Variants in HMCN1 observed in about 807,000 individuals in gnomAD.
The protein encoded by HMCN1 is hemicentin 1.
In HMCN1, 321 loss-of-function variants were observed where a neutral mutation model predicts 625.9. The ratio of observed to expected loss-of-function variants is 0.51; its 90% CI spans 0.47 to 0.56. The LOEUF (loss-of-function observed/expected upper bound fraction) is 0.56, where lower values mean the gene tolerates loss of function less well. Among genes scored for constraint, HMCN1 ranks in the 20% least tolerant of loss-of-function variants. The pLI is 0.00. For missense variants in HMCN1, 6,588 were observed against 6,887.3 expected, an observed-to-expected ratio of 0.96 and a Z score of 1.54; for synonymous variants, 2,425 against 2,417.6, an observed-to-expected ratio of 1.00 and a Z score of -0.09.
At chr1:185,737,796 T>G (rs917692972) in intron 1 of HMCN1, among the ~76,000 whole-genome samples, 2 of 152,240 alleles carry the variant, frequency 1.3e-5, no homozygotes, top group Non-Finnish European at 2.9e-5. Flanking sequence ...TCTATGTCTT[T>G]TGATATAAAC....
At chr1:186,087,882 G>C in intron 60 of HMCN1, 50 bp from the exon 61 acceptor site, 1 of 1,480,750 alleles carries the variant, frequency 6.8e-7, no homozygotes, top group Admixed American at 1.7e-5. Context: ...CAGTATGATT[G>C]GTCATCTATA....
intron 1 of HMCN1, among the ~76,000 whole-genome samples, chr1:185,749,420 G>A (rs1222154107): frequency 1.3e-5 from 2 of 152,112 alleles, no homozygotes; most frequent in South Asian, 2.1e-4. Flanking sequence ...CAATACAGAA[G>A]TGGAACAAGG....
intron 57 of HMCN1, among the ~76,000 whole-genome samples, chr1:186,085,326 G>A (rs1659405534): frequency 6.6e-6 from 1 of 152,102 alleles, no homozygotes; most frequent in Admixed American, 6.6e-5. Flanking sequence ...CAAGATCAAG[G>A]TGCTGGCAGG....
At chr1:185,905,835 C>T (rs1018415311) in intron 4 of HMCN1, among the ~76,000 whole-genome samples, 5 of 151,866 alleles carry the variant, frequency 3.3e-5, no homozygotes, top group South Asian at 2.1e-4. Flanking sequence ...TTTAAAGGTA[C>T]GAGAACTCTC....
chr1:185,900,742 C>G (rs1665759201), intron 4 of HMCN1, among the ~76,000 whole-genome samples: 1 of 151,796 alleles, frequency 6.6e-6, no homozygotes, highest in Non-Finnish European at 1.5e-5. Context: ...TATTAGGAGG[C>G]TATTTGGAAA....
At position 186,046,295 on chromosome 1, in the gene HMCN1, C is replaced by G. The variant is rs368519825; in HGVS notation, c.6480+432C>G. Reference sequence around the variant, plus strand: ...ACCAGCCCAGCCAACATGGTGAAACCCTGTCTCTACTAAAAACACAAAAAT... The same window carrying G: ...ACCAGCCCAGCCAACATGGTGAAACGCTGTCTCTACTAAAAACACAAAAAT... On this transcript the variant is annotated intron_variant, in intron 41 of 106. Coordinates refer to ENST00000271588, the MANE Select transcript of HMCN1 (RefSeq NM_031935.3). Among the ~76,000 whole-genome samples the G allele has an allele frequency of 2.6e-5, 4 of 152,162 alleles. No individual in the cohort carries two copies. In the East Asian group the frequency reaches 7.8e-4, roughly 30 times the overall value.
chr1:185,819,184 C>T (rs934095699), intron 1 of HMCN1, among the ~76,000 whole-genome samples: 3 of 150,236 alleles, frequency 2.0e-5, no homozygotes, highest in Non-Finnish European at 4.4e-5. Context: ...TTGCAGTGAG[C>T]GGAGATCGCA....
At chr1:185,790,187 T>C (rs1191024337) in intron 1 of HMCN1, among the ~76,000 whole-genome samples, 1 of 152,230 alleles carries the variant, frequency 6.6e-6, no homozygotes, top group Non-Finnish European at 1.5e-5. Context: ...TTTTAAAATA[T>C]GCATCTTTTC....
chr1:186,055,000 G>A (rs1558180795), intron 44 of HMCN1, among the ~76,000 whole-genome samples: 1 of 151,960 alleles, frequency 6.6e-6, no homozygotes, highest in African/African-American at 2.4e-5. Context: ...ATTGTAAAAG[G>A]GAGAAGGGAT....
chr1:185,976,390 C>A (rs1203130879), intron 15 of HMCN1, among the ~76,000 whole-genome samples: 1 of 152,058 alleles, frequency 6.6e-6, no homozygotes, highest in Admixed American at 6.6e-5. Flanking sequence ...GATGAGGCTG[C>A]AAAGTTGGAG....
intron 2 of HMCN1, among the ~76,000 whole-genome samples, chr1:185,851,149 G>A (rs1036508796): frequency 1.3e-5 from 2 of 151,980 alleles, no homozygotes; most frequent in African/African-American, 2.4e-5. Flanking sequence ...TTTGTTTTAT[G>A]TATGATTTTC....
chr1:185,918,129 A>G (rs1666815945), intron 6 of HMCN1, among the ~76,000 whole-genome samples: 1 of 152,184 alleles, frequency 6.6e-6, no homozygotes, highest in Non-Finnish European at 1.5e-5. Flanking sequence ...AAAGTCCCAC[A>G]ATAGGCCATC....
chr1:186,088,846 T>C (rs1265835889), intron 63 of HMCN1, 91 bp downstream of exon 63: 17 of 1,234,144 alleles, frequency 1.4e-5, no homozygotes, highest in Non-Finnish European at 6.9e-6. Context: ...TCAGTAGTAA[T>C]TGATTCAACA....
chr1:185,776,258 A>T (rs1553237444), intron 1 of HMCN1, among the ~76,000 whole-genome samples: 1 of 152,022 alleles, frequency 6.6e-6, no homozygotes, highest in Non-Finnish European at 1.5e-5. Flanking sequence ...GCACTTAATA[A>T]TTGGAGAGCA....
chr1:185,818,024 T>C (rs1309473916), intron 1 of HMCN1, among the ~76,000 whole-genome samples: 1 of 152,168 alleles, frequency 6.6e-6, no homozygotes, highest in African/African-American at 2.4e-5. Flanking sequence ...CCCAACTCCT[T>C]CTTCAAAACT....
intron 41 of HMCN1, among the ~76,000 whole-genome samples, chr1:186,047,062 A>AGG (rs1656623675): frequency 2.6e-5 from 4 of 152,158 alleles, no homozygotes; most frequent in African/African-American, 9.7e-5. Context: ...TGAGAAATAG[A>AGG]TGACGGGCAG....
intron 36 of HMCN1, among the ~76,000 whole-genome samples, chr1:186,034,902 C>T (rs983372461): frequency 6.6e-6 from 1 of 152,052 alleles, no homozygotes; most frequent in African/African-American, 2.4e-5. Context: ...TGCTGACATC[C>T]AATCTTTCTT....
chr1:185,781,297 C>A (rs910589247), intron 1 of HMCN1, among the ~76,000 whole-genome samples: 3 of 152,094 alleles, frequency 2.0e-5, no homozygotes, highest in Admixed American at 6.5e-5. Context: ...TTCAAAAAAC[C>A]AGCTCCTAGA....
chr1:186,170,119 T>A (rs1027010327), intron 100 of HMCN1, among the ~76,000 whole-genome samples: 3 of 152,152 alleles, frequency 2.0e-5, no homozygotes, highest in African/African-American at 7.2e-5. Context: ...CACAATGAGA[T>A]ACCATCTTAC....
Sources: gnomAD v4.1 joint callset for allele counts (sites outside exome capture counted in the v4.1 genomes callset) on GRCh38, gnomAD v4.1.1 for gene constraint, MANE v1.5 for transcripts, NCBI Gene and HGNC (gene_info 2026-07-23, HGNC 2026-07-21) for gene names.